NTNG2: variants seen among roughly 807,000 people sequenced by gnomAD.
NTNG2 encodes the protein netrin G2, also known as netrin-G2.
NTNG2 carries 15 observed loss-of-function variants against 47.6 expected under a neutral mutation model. The observed-to-expected ratio is 0.32, with a 90% CI of 0.21 to 0.49. The LOEUF (loss-of-function observed/expected upper bound fraction) is 0.49. NTNG2 is among the 20% of genes least tolerant of loss of function. NTNG2 has a pLI of 0.99. For missense variants in NTNG2, 578 were observed against 764.6 expected (o/e 0.76, Z 2.88); for synonymous variants, 307 against 324.6 (o/e 0.95, Z 0.58).
At chr9:132,211,554 C>A (rs1171142726) in intron 3 of NTNG2, among the ~76,000 whole-genome samples, 2 of 152,124 alleles carry the variant, frequency 1.3e-5, no homozygotes, top group African/African-American at 4.8e-5. Context: ...ATCAGCCACC[C>A]CAAAGGCTGG....
intron 2 of NTNG2, 141 bp downstream of exon 2, chr9:132,167,185 C>A: frequency 1.2e-6 from 1 of 835,564 alleles, no homozygotes; most frequent in Non-Finnish European, 1.9e-6. Flanking sequence ...TGGACCAGAC[C>A]TGGACCAGGT....
Position 132,166,789 on chromosome 9 carries a change from C to T in NTNG2, c.-43C>T, listed in dbSNP as rs750184356. Reference sequence around the variant, plus strand: ...GTCCCGCCTGACCCCGTCGCTGCCTCTCCAGGGCTTCTCTGGGCCGCGCCT... The same window carrying T: ...GTCCCGCCTGACCCCGTCGCTGCCTTTCCAGGGCTTCTCTGGGCCGCGCCT... On this transcript the variant is annotated 5_prime_UTR_variant, in exon 2 of 8. Transcript: ENST00000393229. 1.9e-6 allele frequency: 3 copies of T among 1,599,662 alleles called. No homozygotes were observed. In the African/African-American group the frequency reaches 4.0e-5, roughly 21 times the overall value.
At chr9:132,164,357 C>T (rs1474434432) in intron 1 of NTNG2, among the ~76,000 whole-genome samples, 1 of 152,158 alleles carries the variant, frequency 6.6e-6, no homozygotes. Flanking sequence ...CCGCGCCCGG[C>T]GGCGTCCAGC....
In NTNG2 at chr9:132,231,200, G is replaced by T. The variant is rs139441520; in HGVS notation, c.1054+605G>T. The T allele has an allele frequency of 1.0e-3, 415 of 415,320 alleles. 3 individuals are homozygous for T. Among genetic ancestry groups the T allele is most frequent in the African/African-American group, 7.7e-3 (377 of 48,956 alleles). 25.7% of individuals were successfully genotyped at this position (415,320 alleles called of 1,614,324 possible). A position where few individuals can be genotyped will look rare whatever the true frequency, so the allele number is the denominator to read the frequency against. ...GGGGGTCCTGAGAGTTCCCCAGGAG[G>T]GCGAGGGCGACATGGCGCCCACAGG... is the stretch of plus-strand genomic sequence containing the variant. On this transcript the variant is annotated intron_variant, in intron 5 of 7. Coordinates refer to ENST00000393229, the MANE Select transcript of NTNG2 (RefSeq NM_032536.4). The surrounding 1 kb of genome is among the most constrained non-coding windows in gnomAD (Gnocchi z 4.1).
At chr9:132,223,687 C>G (rs545275441) in intron 3 of NTNG2, among the ~76,000 whole-genome samples, 1 of 152,120 alleles carries the variant, frequency 6.6e-6, no homozygotes, top group Non-Finnish European at 1.5e-5. Flanking sequence ...AAAAAGATGC[C>G]GCACACCCCA....
chr9:132,194,605 C>G (rs1838141322), intron 2 of NTNG2, among the ~76,000 whole-genome samples: 1 of 152,260 alleles, frequency 6.6e-6, no homozygotes, highest in East Asian at 1.9e-4. Flanking sequence ...GAGGTGCCAT[C>G]TGCTCTCGAG....
chr9:132,228,777 C>A (rs1373544627), intron 4 of NTNG2, among the ~76,000 whole-genome samples: 1 of 152,102 alleles, frequency 6.6e-6, no homozygotes, highest in African/African-American at 2.4e-5. Flanking sequence ...AGGCTGGTCT[C>A]GAGCTCCTGA....
Position 132,166,775 on chromosome 9 carries a change from C to A in NTNG2, c.-57C>A. 6.4e-7 allele frequency: 1 copy of A among 1,556,054 alleles called. No individual in the cohort carries two copies. The highest frequency in any genetic ancestry group is 8.8e-7 in the Non-Finnish European group (1 of 1,132,518). On this transcript the variant is annotated 5_prime_UTR_variant, in exon 2 of 8. Coordinates refer to ENST00000393229, the MANE Select transcript of NTNG2 (RefSeq NM_032536.4). ...TGCTGAGGCCGCGAGTCCCGCCTGA[C>A]CCCGTCGCTGCCTCTCCAGGGCTTC...
chr9:132,217,464 G>T (rs1435541436), intron 3 of NTNG2, among the ~76,000 whole-genome samples: 4 of 152,134 alleles, frequency 2.6e-5, no homozygotes, highest in Non-Finnish European at 5.9e-5. Context: ...CCTAAAGTGG[G>T]GTTCACCAGC....
At chr9:132,167,126 G>T in intron 2 of NTNG2, 82 bp downstream of exon 2, 1 of 1,457,816 alleles carries the variant, frequency 6.9e-7, no homozygotes, top group African/African-American at 1.4e-5. Flanking sequence ...GACGAGCAGA[G>T]CTGGAGGACT....
chr9:132,187,682 A>T (rs1837512310), intron 2 of NTNG2, among the ~76,000 whole-genome samples: 1 of 152,174 alleles, frequency 6.6e-6, no homozygotes, highest in African/African-American at 2.4e-5. Flanking sequence ...TCAGCTCTGA[A>T]CAGAATCTCC....
chr9:132,207,891 C>T (rs202233472), intron 3 of NTNG2, among the ~76,000 whole-genome samples: 2 of 152,164 alleles, frequency 1.3e-5, no homozygotes, highest in South Asian at 2.1e-4. Context: ...ATTGCTTGAG[C>T]GCAGGAGTTC....
intron 2 of NTNG2, among the ~76,000 whole-genome samples, chr9:132,186,339 G>T (rs982613326): frequency 2.6e-5 from 4 of 152,212 alleles, no homozygotes; most frequent in African/African-American, 9.7e-5. Context: ...TGGAAATCTG[G>T]CTGTGGGAAG....
rs1459255149 is a variant in NTNG2 at position 132,208,448 on chromosome 9, A to T, written c.857+9839A>T. On this transcript the variant is annotated intron_variant, in intron 3 of 7. Transcript: ENST00000393229. This position sits in a 1 kb window ranked among gnomAD's most constrained non-coding sequence, Gnocchi z 4.0. ...CTGATTTCCGGTGTTTGGAAATCTG[A>T]GTTGGGGGTGGCGGTGCTGGAGGCC... Among the ~76,000 whole-genome samples, 1 of 152,026 alleles carries T rather than the reference A, an allele frequency of 6.6e-6. No individual in the cohort carries two copies. The highest frequency in any genetic ancestry group is 1.5e-5 in the Non-Finnish European group (1 of 67,994).
chr9:132,194,108 A>G (rs776560043), intron 2 of NTNG2, among the ~76,000 whole-genome samples: 7 of 152,156 alleles, frequency 4.6e-5, no homozygotes, highest in Non-Finnish European at 1.0e-4. Context: ...GGGCTTCAAC[A>G]TAGAAATCTG....
intron 3 of NTNG2, among the ~76,000 whole-genome samples, chr9:132,204,473 T>G (rs923548806): frequency 1.3e-5 from 2 of 149,704 alleles, no homozygotes; most frequent in African/African-American, 2.5e-5. Context: ...GGGAGGGGAG[T>G]GCAGAGACAG....
At chr9:132,205,520 G>T (rs545365785) in intron 3 of NTNG2, among the ~76,000 whole-genome samples, 11 of 152,206 alleles carry the variant, frequency 7.2e-5, no homozygotes, top group African/African-American at 1.4e-4. Flanking sequence ...TAAAGTTCTG[G>T]AGAGGGATGG....
intron 2 of NTNG2, among the ~76,000 whole-genome samples, chr9:132,193,856 T>C (rs1157369532): frequency 6.6e-6 from 1 of 152,076 alleles, no homozygotes; most frequent in East Asian, 1.9e-4. Flanking sequence ...GTTGGCAGGT[T>C]TGGTTTCTGG....
chr9:132,211,332 C>T (rs963281806), intron 3 of NTNG2, among the ~76,000 whole-genome samples: 16 of 152,174 alleles, frequency 1.1e-4, no homozygotes, highest in African/African-American at 3.4e-4. Flanking sequence ...TGCAGGCTGG[C>T]GTCAGGATTT....
Sources: allele counts gnomAD v4.1 joint callset (sites outside exome capture counted in the v4.1 genomes callset), GRCh38; gene constraint gnomAD v4.1.1; non-coding constraint Gnocchi (gnomAD v3.1); transcripts MANE v1.5; gene names NCBI Gene and HGNC (gene_info 2026-07-23, HGNC 2026-07-21).